Variants in NFAT5 observed in about 807,000 individuals in gnomAD.
The protein encoded by NFAT5 is nuclear factor of activated T cells 5, also known as nuclear factor of activated T-cells 5.
In NFAT5, 31 loss-of-function variants were observed where a neutral mutation model predicts 166.5. The observed-to-expected ratio is 0.19, with a 90% CI of 0.14 to 0.25. The LOEUF is 0.25. NFAT5 is among the 10% of genes least tolerant of loss of function. The pLI, the probability that NFAT5 is intolerant of heterozygous loss-of-function variation, is 1.00. For synonymous variants in NFAT5, 612 were observed against 639.7 expected (o/e 0.96, Z 0.65); for missense variants, 1,449 against 1,821.8 (o/e 0.80, Z 3.72).
chr16:69,650,809 A>G (rs761637962), intron 4 of NFAT5, among the ~76,000 whole-genome samples: 11 of 152,128 alleles, frequency 7.2e-5, no homozygotes, highest in Non-Finnish European at 1.3e-4. Flanking sequence ...ATCTCTTTGT[A>G]TGTATATTTG....
At position 69,579,332 on chromosome 16, in the gene NFAT5, CTT is replaced by C. The variant is rs544135446; in HGVS notation, c.127+10787_127+10788del. On this transcript the variant is annotated intron_variant, in intron 2 of 14. Transcript: ENST00000349945. The stretch of plus-strand genomic sequence containing the variant: ...TAATTTTATAATTATTTTTAAAGAA[CTT>C]TTCATTTTCTTAGTGAATTTTTGCC... 6.3e-3 allele frequency among the ~76,000 whole-genome samples: 957 copies of C among 152,112 alleles called. 6 individuals carry two copies. The highest frequency in any genetic ancestry group is 0.012 in the South Asian group (58 of 4,820).
At chr16:69,626,382 C>A in intron 2 of NFAT5, 21 bp from the exon 3 acceptor site, 1 of 1,543,588 alleles carries the variant, frequency 6.5e-7, no homozygotes, top group Non-Finnish European at 8.7e-7. Context: ...TTGTTTTCTC[C>A]TCTCTTTCCC....
At chr16:69,653,117 C>T in intron 4 of NFAT5, 119 bp from the exon 5 acceptor site, 1 of 595,532 alleles carries the variant, frequency 1.7e-6, no homozygotes, top group Non-Finnish European at 2.8e-6. Flanking sequence ...TGCCAGCAAG[C>T]TGAATAGTTG....
intron 4 of NFAT5, chr16:69,649,543 C>T (rs2035582826): frequency 6.1e-6 from 6 of 983,762 alleles, no homozygotes; most frequent in Non-Finnish European, 7.2e-6. Context: ...TTCCATCAAG[C>T]AGAAGAAATG....
At chr16:69,678,627 G>A (rs1303289007) in intron 10 of NFAT5, among the ~76,000 whole-genome samples, 4 of 152,222 alleles carry the variant, frequency 2.6e-5, no homozygotes, top group Admixed American at 2.6e-4. Flanking sequence ...CAGAAATGGG[G>A]AGAACATTTT....
intron 2 of NFAT5, among the ~76,000 whole-genome samples, chr16:69,578,714 T>C (rs957948284): frequency 6.6e-6 from 1 of 152,106 alleles, no homozygotes; most frequent in Non-Finnish European, 1.5e-5. Flanking sequence ...GGATTGTCAT[T>C]CTGAAACACT....
chr16:69,568,030 T>A (rs910792692), intron 1 of NFAT5, among the ~76,000 whole-genome samples: 7 of 152,088 alleles, frequency 4.6e-5, no homozygotes, highest in African/African-American at 1.7e-4. Flanking sequence ...ACACTGCAGT[T>A]GGCCGGGCGC....
At position 69,647,731 on chromosome 16, in the gene NFAT5, T is replaced by C. The variant is rs1597465537; in HGVS notation, c.812+145T>C. On this transcript the variant is annotated intron_variant, in intron 4 of 14. Transcript: ENST00000349945. The surrounding 1 kb of genome is among the most constrained non-coding windows in gnomAD (Gnocchi z 4.8). ...TTATCATTGAAATACATGAAAATTT[T>C]AACTTAAAATTACCAACTTTTACTA... The C allele has an allele frequency of 1.7e-5, 12 of 709,670 alleles. No homozygotes were observed. In the East Asian group the frequency reaches 3.4e-4, roughly 20 times the overall value. 44.0% of individuals were successfully genotyped at this position (709,670 alleles called of 1,614,324 possible).
At chr16:69,605,790 T>C (rs2033373466) in intron 2 of NFAT5, among the ~76,000 whole-genome samples, 1 of 152,054 alleles carries the variant, frequency 6.6e-6, no homozygotes, top group African/African-American at 2.4e-5. Flanking sequence ...CTCGGCTCAC[T>C]GCAAGCTCCG....
intron 14 of NFAT5, chr16:69,695,609 C>T (rs2037736943): frequency 2.6e-6 from 1 of 390,102 alleles, no homozygotes; most frequent in Non-Finnish European, 4.6e-6. Flanking sequence ...TTTGAGAGAC[C>T]AAGGTGGGCG....
intron 3 of NFAT5, among the ~76,000 whole-genome samples, chr16:69,627,378 A>G (rs980199861): frequency 1.0e-5 from 1 of 97,732 alleles, no homozygotes; most frequent in Non-Finnish European, 2.0e-5. Context: ...ATATATATAT[A>G]TATATTTTGA....
intron 3 of NFAT5, among the ~76,000 whole-genome samples, chr16:69,632,835 C>G (rs768329750): frequency 6.6e-6 from 1 of 152,112 alleles, no homozygotes; most frequent in Non-Finnish European, 1.5e-5. Context: ...CTTGGTTATT[C>G]TTTATGGCCA....
intron 10 of NFAT5, among the ~76,000 whole-genome samples, chr16:69,680,445 GT>G (rs1458802681): frequency 6.6e-6 from 1 of 152,146 alleles, no homozygotes; most frequent in Admixed American, 6.5e-5. Flanking sequence ...TCATTTCTTA[GT>G]GATAAATGCT....
At chr16:69,682,038 C>G (rs2037083833) in intron 10 of NFAT5, among the ~76,000 whole-genome samples, 1 of 152,084 alleles carries the variant, frequency 6.6e-6, no homozygotes. Flanking sequence ...CACATTCTTC[C>G]AGGTACAGAC....
chr16:69,661,845 A>G (rs973023200), intron 7 of NFAT5, among the ~76,000 whole-genome samples: 2 of 152,200 alleles, frequency 1.3e-5, no homozygotes, highest in African/African-American at 4.8e-5. Context: ...AGGAGCTTAC[A>G]GTTTAGCAGG....
intron 2 of NFAT5, among the ~76,000 whole-genome samples, chr16:69,576,732 G>C (rs1303317640): frequency 1.3e-5 from 2 of 152,114 alleles, no homozygotes; most frequent in Non-Finnish European, 2.9e-5. Flanking sequence ...ATGGTGTTAC[G>C]CACCTGTAGT....
chr16:69,602,123 CT>C (rs35764140), intron 2 of NFAT5, among the ~76,000 whole-genome samples: 55,473 of 151,008 alleles, frequency 0.37, 11,117 homozygotes, highest in African/African-American at 0.53. Context: ...AAGCATAAGG[CT>C]TTTTTTTTCA....
At chr16:69,573,440 A>T (rs1368400765) in intron 2 of NFAT5, among the ~76,000 whole-genome samples, 1 of 152,216 alleles carries the variant, frequency 6.6e-6, no homozygotes, top group Non-Finnish European at 1.5e-5. Context: ...CTTTTTGGAA[A>T]GGATTTTTTG....
chr16:69,649,287 A>G (rs1337343007), intron 4 of NFAT5: 1 of 961,210 alleles, frequency 1.0e-6, no homozygotes, highest in African/African-American at 1.8e-5. Flanking sequence ...ATAAAGTTCC[A>G]GAAGATAAAT....
Sources: gnomAD v4.1 joint callset for allele counts (sites outside exome capture counted in the v4.1 genomes callset) on GRCh38, gnomAD v4.1.1 for gene constraint, Gnocchi (gnomAD v3.1) non-coding constraint, MANE v1.5 for transcripts, NCBI Gene and HGNC (gene_info 2026-07-23, HGNC 2026-07-21) for gene names.